MAPK10: variants seen among roughly 807,000 people sequenced by gnomAD.
MAPK10 encodes the protein JNK3 alpha protein kinase.
Under a neutral mutation model 59.3 loss-of-function variants are expected in MAPK10, and 25 were observed. The observed-to-expected ratio is 0.42, with a 90% CI of 0.31 to 0.59. The LOEUF is 0.59. MAPK10 is among the 20% of genes least tolerant of loss of function. The probability of loss-of-function intolerance (pLI) is 0.15; values close to 1 mark genes in which losing one functional copy is unlikely to be tolerated. For missense variants in MAPK10, 351 were observed against 568.9 expected (o/e 0.62, Z 3.90); for synonymous variants, 190 against 200.5 (o/e 0.95, Z 0.44).
At chr4:86,225,023 C>T (rs534495808) in intron 2 of MAPK10, among the ~76,000 whole-genome samples, 113 of 152,240 alleles carry the variant, frequency 7.4e-4, no homozygotes, top group South Asian at 6.6e-3. Context: ...AATTTAACTG[C>T]TAAAGTAAGT....
intron 11 of MAPK10, among the ~76,000 whole-genome samples, chr4:86,034,933 T>C (rs1301348961): frequency 6.6e-6 from 1 of 152,082 alleles, no homozygotes. Flanking sequence ...GTAGTGGTGG[T>C]GCATGTGTTT....
chr4:86,176,561 C>T (rs2149271820), intron 3 of MAPK10, among the ~76,000 whole-genome samples: 1 of 152,124 alleles, frequency 6.6e-6, no homozygotes, highest in Admixed American at 6.6e-5. Flanking sequence ...GGAACTGAAC[C>T]TTAGGACCTT....
At chr4:86,427,641 C>T (rs1286094001) in intron 1 of MAPK10, among the ~76,000 whole-genome samples, 1 of 152,194 alleles carries the variant, frequency 6.6e-6, no homozygotes, top group African/African-American at 2.4e-5. Flanking sequence ...CATTTCAAGA[C>T]ATGACAGATT....
intron 3 of MAPK10, among the ~76,000 whole-genome samples, chr4:86,174,365 A>G (rs1354347019): frequency 6.6e-6 from 1 of 152,186 alleles, no homozygotes; most frequent in East Asian, 1.9e-4. Context: ...AAACTAACAT[A>G]GGAATAGAAC....
chr4:86,068,342 A>G (rs1002324875), intron 9 of MAPK10, among the ~76,000 whole-genome samples: 1 of 152,158 alleles, frequency 6.6e-6, no homozygotes, highest in Non-Finnish European at 1.5e-5. Context: ...TTTATCCTGA[A>G]GTTACCTCAA....
intron 1 of MAPK10, among the ~76,000 whole-genome samples, chr4:86,507,653 T>TACAC (rs1241540267): frequency 1.1e-5 from 1 of 88,926 alleles, no homozygotes; most frequent in East Asian, 3.1e-4. Flanking sequence ...TATATATATA[T>TACAC]ATATATATAT....
At chr4:86,302,768 A>C (rs955495219) in intron 2 of MAPK10, among the ~76,000 whole-genome samples, 7 of 152,210 alleles carry the variant, frequency 4.6e-5, no homozygotes, top group African/African-American at 1.7e-4. Flanking sequence ...ATTCATTCTA[A>C]TGACTGCCTA....
intron 4 of MAPK10, among the ~76,000 whole-genome samples, chr4:86,139,405 C>T (rs1479477637): frequency 1.3e-5 from 2 of 150,274 alleles, no homozygotes; most frequent in African/African-American, 2.5e-5. Flanking sequence ...TGATCTTTGA[C>T]AAACCTGAGA....
At chr4:86,191,677 T>C (rs1265362784) in intron 3 of MAPK10, 31 of 146,798 alleles carry the variant, frequency 2.1e-4, no homozygotes, top group Non-Finnish European at 3.0e-5. Flanking sequence ...GTATCCTGAA[T>C]ACAGCACACC....
At chr4:86,128,049 C>T (rs534142129) in intron 4 of MAPK10, among the ~76,000 whole-genome samples, 79 of 152,154 alleles carry the variant, frequency 5.2e-4, no homozygotes, top group African/African-American at 1.7e-3. Flanking sequence ...ATAGCACAGG[C>T]TGTCATTAGC....
At chr4:86,470,785 T>C (rs1752592705) in intron 1 of MAPK10, among the ~76,000 whole-genome samples, 1 of 152,178 alleles carries the variant, frequency 6.6e-6, no homozygotes, top group Non-Finnish European at 1.5e-5. Flanking sequence ...CCTATATTTC[T>C]TTTTAAAAAA....
intron 1 of MAPK10, among the ~76,000 whole-genome samples, chr4:86,526,741 C>T (rs1276687236): frequency 2.0e-5 from 3 of 152,144 alleles, no homozygotes; most frequent in Admixed American, 6.5e-5. Flanking sequence ...GCTTTTGCTG[C>T]ATCCCAGAGA....
intron 4 of MAPK10, among the ~76,000 whole-genome samples, chr4:86,140,361 T>C (rs1581133822): frequency 2.1e-5 from 3 of 143,634 alleles, no homozygotes; most frequent in East Asian, 4.0e-4. Flanking sequence ...CCATAAAAAA[T>C]GATGAGTTCA....
intron 2 of MAPK10, chr4:86,332,837 C>G (rs1314320525): frequency 6.6e-6 from 1 of 152,122 alleles, no homozygotes; most frequent in Non-Finnish European, 1.5e-5. Context: ...TATTTGTTCC[C>G]AAGGTTCTCA....
chr4:86,274,463 C>A (rs1258553794), intron 2 of MAPK10, among the ~76,000 whole-genome samples: 1 of 151,564 alleles, frequency 6.6e-6, no homozygotes, highest in Non-Finnish European at 1.5e-5. Flanking sequence ...TTTTCCTATT[C>A]CAATTGATTG....
chr4:86,454,347 T>C (rs1751049782), upstream of MAPK10, among the ~76,000 whole-genome samples: 1 of 152,026 alleles, frequency 6.6e-6, no homozygotes, highest in Non-Finnish European at 1.5e-5. Flanking sequence ...CGAAGCCCAG[T>C]GTAAGGAAAT....
chr4:86,324,751 G>A (rs2095983513), intron 2 of MAPK10, among the ~76,000 whole-genome samples: 1 of 152,018 alleles, frequency 6.6e-6, no homozygotes, highest in African/African-American at 2.4e-5. Context: ...GTTTCCCCCC[G>A]ATTTCTTAGT....
intron 2 of MAPK10, among the ~76,000 whole-genome samples, chr4:86,288,415 AT>A (rs903936839): frequency 6.8e-6 from 1 of 147,490 alleles, no homozygotes; most frequent in Non-Finnish European, 1.5e-5. Flanking sequence ...AACTCTTAGC[AT>A]TTTTTTAGCT....
chr4:86,211,891 A>G (rs2085918709), intron 2 of MAPK10, among the ~76,000 whole-genome samples: 1 of 152,098 alleles, frequency 6.6e-6, no homozygotes, highest in Non-Finnish European at 1.5e-5. Flanking sequence ...GTGTGCTACA[A>G]CTTCAACATA....
Sources: allele counts gnomAD v4.1 joint callset (sites outside exome capture counted in the v4.1 genomes callset), GRCh38; gene constraint gnomAD v4.1.1; transcripts MANE v1.5; gene names NCBI Gene and HGNC (gene_info 2026-07-23, HGNC 2026-07-21).